PRRC2B: variants seen among roughly 807,000 people sequenced by gnomAD.
PRRC2B encodes proline rich coiled-coil 2B.
Under a neutral mutation model 242.3 loss-of-function variants are expected in PRRC2B, and 68 were observed. The ratio of observed to expected loss-of-function variants is 0.28; its 90% CI spans 0.23 to 0.34. The LOEUF (loss-of-function observed/expected upper bound fraction) is 0.34, where lower values mean the gene tolerates loss of function less well. Among genes scored for constraint, PRRC2B ranks in the 10% least tolerant of loss-of-function variants. The probability of loss-of-function intolerance (pLI) is 1.00; values close to 1 mark genes in which losing one functional copy is unlikely to be tolerated. For synonymous variants in PRRC2B, 1,228 were observed against 1,173.6 expected (o/e 1.05, Z -0.95); for missense variants, 2,835 against 2,954.8 (o/e 0.96, Z 0.94).
chr9:131,484,691 G>A lies in PRRC2B; in HGVS notation c.5466G>A (p.Gly1822=), dbSNP rs750077670. 14 of 1,609,166 alleles carry A rather than the reference G, an allele frequency of 8.7e-6. No individual in the cohort carries two copies. In the South Asian group the frequency reaches 1.5e-4, roughly 18 times the overall value. ...KLQDALASNA[G]LTQSIPILRR... ...TTCCTTTTCCTCCTCTCCAGGCAGG[G>A]TTAACACAGAGTATCCCCATCCTGC... is the stretch of plus-strand genomic sequence containing the variant. Residue 1822 remains glycine (G), a synonymous_variant, in exon 24 of 32, where the codon GGG becomes GGA. Coordinates refer to ENST00000683519, the MANE Select transcript of PRRC2B (RefSeq NM_013318.4).
At chr9:131,411,449 C>G (rs1184660718) in intron 1 of PRRC2B, among the ~76,000 whole-genome samples, 1 of 150,452 alleles carries the variant, frequency 6.6e-6, no homozygotes, top group Non-Finnish European at 1.5e-5. Context: ...CGGGTTCACT[C>G]CATTCTCCTG....
intron 12 of PRRC2B, 139 bp downstream of exon 12, chr9:131,465,217 G>A (rs1398710336): frequency 1.2e-6 from 1 of 846,604 alleles, no homozygotes; most frequent in Non-Finnish European, 1.8e-6. Flanking sequence ...CAGTTATTAA[G>A]AGCATAGGCC....
intron 1 of PRRC2B, among the ~76,000 whole-genome samples, chr9:131,422,605 G>A (rs1383004615): frequency 6.6e-6 from 1 of 152,190 alleles, no homozygotes; most frequent in Non-Finnish European, 1.5e-5. Context: ...CTCAAGTGTG[G>A]AGTGAAATTA....
Position 131,474,580 on chromosome 9 carries a change from C to T in PRRC2B, c.2451C>T (p.Asp817=), listed in dbSNP as rs759082345. The change falls in exon 16 of 32, where the codon GAC becomes GAT. Residue 817 remains aspartate (D), a synonymous_variant. Transcript: ENST00000683519. The stretch of plus-strand genomic sequence containing the variant: ...ACAAGAAGGCCCAAGCAGACTTTGA[C>T]AGCTGTATCTCTTCTCAAAGAATAG... ...AFDKKAQADF[D]SCISSQRIGQ... 4 of 1,613,890 alleles carry T rather than the reference C, an allele frequency of 2.5e-6. No individual in the cohort carries two copies. The African/African-American group carries it at 4.0e-5, about 16-fold the overall frequency.
At chr9:131,484,624 G>A (rs1385534296) in intron 23 of PRRC2B, 62 bp from the exon 24 acceptor site, 1 of 1,386,056 alleles carries the variant, frequency 7.2e-7, no homozygotes, top group Non-Finnish European at 1.0e-6. Flanking sequence ...CCATGGATGG[G>A]TTTGGGCAAA....
chr9:131,413,563 T>TC (rs1346798709), intron 1 of PRRC2B, among the ~76,000 whole-genome samples: 1 of 152,246 alleles, frequency 6.6e-6, no homozygotes, highest in Non-Finnish European at 1.5e-5. Context: ...AGACGTGCTC[T>TC]CACTGTGTTG....
chr9:131,423,926 A>G (rs536800269), intron 1 of PRRC2B, among the ~76,000 whole-genome samples: 104 of 147,164 alleles, frequency 7.1e-4, no homozygotes, highest in Middle Eastern at 3.5e-3. Flanking sequence ...ACAGTAAGCC[A>G]TTTCTTTCTG....
At chr9:131,410,437 T>C (rs112340487) in intron 1 of PRRC2B, among the ~76,000 whole-genome samples, 19,389 of 152,220 alleles carry the variant, frequency 0.13, 1,322 homozygotes, top group African/African-American at 0.15. Context: ...GGGAGTACCG[T>C]GGGCAGGTGG....
intron 1 of PRRC2B, among the ~76,000 whole-genome samples, chr9:131,428,988 C>G (rs925510752): frequency 6.6e-6 from 1 of 152,186 alleles, no homozygotes. Flanking sequence ...TGCAGTCTCG[C>G]TCTGTCGCCT....
intron 13 of PRRC2B, among the ~76,000 whole-genome samples, chr9:131,469,986 A>G (rs1943495628): frequency 6.6e-6 from 1 of 152,012 alleles, no homozygotes; most frequent in Non-Finnish European, 1.5e-5. Flanking sequence ...AGGACCGGGG[A>G]CCTGGTCTCG....
chr9:131,420,499 T>TCTTCCTTTC (rs889470295), intron 1 of PRRC2B, among the ~76,000 whole-genome samples: 1 of 84,494 alleles, frequency 1.2e-5, no homozygotes, highest in African/African-American at 4.4e-5. Context: ...CTTTCTTTTT[T>TCTTCCTTTC]TTTTTTTTTT....
rs540091500 is a variant in PRRC2B, at chr9:131,398,462, C to T, written c.-52+4199C>T. 1.3e-3 allele frequency among the ~76,000 whole-genome samples: 202 copies of T among 152,308 alleles called. 1 individual carries two copies. The highest frequency in any genetic ancestry group is 4.1e-3 in the African/African-American group (171 of 41,570). Reference sequence around the variant, plus strand: ...AACAAAGCCTATCTCAAGTTGCTGGCGGTCTTTCACATCTTGTACAGGACT... The same window carrying T: ...AACAAAGCCTATCTCAAGTTGCTGGTGGTCTTTCACATCTTGTACAGGACT... On this transcript the variant is annotated intron_variant, in intron 1 of 31. Coordinates refer to ENST00000683519, the MANE Select transcript of PRRC2B (RefSeq NM_013318.4).
At chr9:131,390,057 G>A (rs542660590), upstream of PRRC2B, among the ~76,000 whole-genome samples, 11 of 148,526 alleles carry the variant, frequency 7.4e-5, no homozygotes, top group African/African-American at 2.4e-4. Context: ...AGCGATTACA[G>A]GTGCCCGCCA....
chr9:131,447,450 C>T (rs2131390083), intron 8 of PRRC2B, among the ~76,000 whole-genome samples: 1 of 152,204 alleles, frequency 6.6e-6, no homozygotes, highest in East Asian at 1.9e-4. Flanking sequence ...CTGCCCTAGG[C>T]CTTAGCAACC....
intron 1 of PRRC2B, among the ~76,000 whole-genome samples, chr9:131,425,743 C>T (rs1311770693): frequency 6.6e-6 from 1 of 151,774 alleles, no homozygotes; most frequent in Non-Finnish European, 1.5e-5. Flanking sequence ...CCGCCTCAGC[C>T]TCCCAAAGTG....
chr9:131,498,665 C>T lies in PRRC2B; in HGVS notation c.*2791C>T, dbSNP rs1463760720. 1 of 152,252 alleles carries T rather than the reference C, an allele frequency of 6.6e-6. No homozygotes were observed. The highest frequency in any genetic ancestry group is 2.4e-5 in the African/African-American group (1 of 41,456). The allele number at this position is 152,252 out of a possible 1,614,324, so 9.4% of individuals were successfully genotyped here. ...GGCTTCTGCCAGGATACCACGGGGC[C>T]TTAGTGGGAACAGGTGGAGACCAGC... On this transcript the variant is annotated 3_prime_UTR_variant, in exon 32 of 32. Transcript: ENST00000683519.
In PRRC2B at chr9:131,480,422, C is replaced by G. The variant is rs1030046041; in HGVS notation, c.4900+1029C>G. On this transcript the variant is annotated intron_variant, in intron 19 of 31. Transcript: ENST00000683519. ...GTGACAGGTGTCATAGTATTGGTGT[C>G]CAAAAATGCCCAGGTGCCAGATTGG... 2.2e-4 allele frequency among the ~76,000 whole-genome samples: 34 copies of G among 152,074 alleles called. 1 individual carries two copies. Among genetic ancestry groups the G allele is most frequent in the Admixed American group, 1.9e-3 (29 of 15,262 alleles).
chr9:131,486,659 G>A (rs937614557), intron 26 of PRRC2B: 1 of 504,134 alleles, frequency 2.0e-6, no homozygotes, highest in East Asian at 1.5e-4. Flanking sequence ...CCTTTGGGAT[G>A]GTCTAGCCGC....
chr9:131,441,800 T>G (rs1838587845), intron 5 of PRRC2B, among the ~76,000 whole-genome samples: 2 of 152,192 alleles, frequency 1.3e-5, no homozygotes, highest in Non-Finnish European at 2.9e-5. Flanking sequence ...GAGACCTGAT[T>G]GCATGTTTGG....
Sources: allele counts gnomAD v4.1 joint callset (sites outside exome capture counted in the v4.1 genomes callset), GRCh38; gene constraint gnomAD v4.1.1; transcripts MANE v1.5; gene names NCBI Gene and HGNC (gene_info 2026-07-23, HGNC 2026-07-21).